Variants in MYO6 observed in about 807,000 individuals in gnomAD.
The protein encoded by MYO6 is unconventional myosin-VI.
MYO6 carries 74 observed loss-of-function variants against 178.7 expected under a neutral mutation model. That is an observed-to-expected ratio of 0.41 (90% CI 0.34 to 0.50). The LOEUF is 0.50. Ranked by LOEUF, MYO6 falls within the 20% of genes least tolerant of loss-of-function variation. The pLI is 0.09. For synonymous variants in MYO6, 477 were observed against 504.6 expected, an observed-to-expected ratio of 0.95 and a Z score of 0.73; for missense variants, 1,330 against 1,547.4, an observed-to-expected ratio of 0.86 and a Z score of 2.36.
At chr6:75,877,954 AAG>A (rs1222402931) in intron 20 of MYO6, among the ~76,000 whole-genome samples, 2 of 152,160 alleles carry the variant, frequency 1.3e-5, no homozygotes, top group African/African-American at 4.8e-5. Context: ...TACATTTCCA[AAG>A]GTACTTGTTT....
rs548902335 is a variant in MYO6, at chr6:75,916,204, T to A, written c.*1192T>A. ...GACATAATTCTAAGGAGTTTTGTTG[T>A]ATTTTAGAATAAAATTATAAAGTAA... On this transcript the variant is annotated 3_prime_UTR_variant, in exon 35 of 35. Coordinates refer to ENST00000369977, the MANE Select transcript of MYO6 (RefSeq NM_004999.4). The A allele has an allele frequency of 6.6e-6, 1 of 152,246 alleles. No individual in the cohort carries two copies. Among genetic ancestry groups the A allele is most frequent in the Non-Finnish European group, 1.5e-5 (1 of 68,034 alleles). The allele number at this position is 152,246 out of a possible 1,614,324, so 9.4% of individuals were successfully genotyped here.
At position 75,778,200 on chromosome 6, in the gene MYO6, AT is replaced by A. The variant is rs1562143252; in HGVS notation, c.-48+28781del. 2.0e-5 allele frequency among the ~76,000 whole-genome samples: 3 copies of A among 152,112 alleles called. No homozygotes were observed. In the South Asian group the frequency reaches 6.2e-4, roughly 32 times the overall value. ...TTCTATATTTTATGGTTTCTTAAGA[AT>A]TTTGCAGTAAGTCAACAGTTTTGTT... On this transcript the variant is annotated intron_variant, in intron 1 of 34. Coordinates refer to ENST00000369977, the MANE Select transcript of MYO6 (RefSeq NM_004999.4).
chr6:75,750,849 G>A (rs1398030249), intron 1 of MYO6, among the ~76,000 whole-genome samples: 2 of 152,032 alleles, frequency 1.3e-5, no homozygotes, highest in Non-Finnish European at 2.9e-5. Context: ...CAAAGTGCTA[G>A]GATTACAGGC....
At chr6:75,771,373 G>C (rs1307845304) in intron 1 of MYO6, among the ~76,000 whole-genome samples, 5 of 152,010 alleles carry the variant, frequency 3.3e-5, no homozygotes, top group Non-Finnish European at 5.9e-5. Flanking sequence ...TGTGTGTATA[G>C]CTCCCAGGAG....
intron 1 of MYO6, among the ~76,000 whole-genome samples, chr6:75,758,821 T>C (rs937386919): frequency 2.6e-5 from 4 of 152,068 alleles, no homozygotes; most frequent in Non-Finnish European, 5.9e-5. Context: ...AAATTGTTAA[T>C]TTTTAACGAT....
At chr6:75,784,936 GTAA>G (rs1767385974) in intron 1 of MYO6, among the ~76,000 whole-genome samples, 1 of 152,180 alleles carries the variant, frequency 6.6e-6, no homozygotes, top group South Asian at 2.1e-4. Context: ...GGGGGGCAGT[GTAA>G]TAATGTAAGG....
chr6:75,901,921 G>C (rs1779810157), intron 30 of MYO6, among the ~76,000 whole-genome samples: 1 of 152,226 alleles, frequency 6.6e-6, no homozygotes, highest in East Asian at 1.9e-4. Flanking sequence ...TTTATTGAGA[G>C]TTTTTAGCAT....
intron 5 of MYO6, 133 bp downstream of exon 5, chr6:75,830,678 T>G: frequency 1.2e-6 from 1 of 842,948 alleles, no homozygotes; most frequent in Non-Finnish European, 1.9e-6. Flanking sequence ...ACCTCTTGGA[T>G]ATATCAACAT....
chr6:75,832,585 A>G (rs1446399260), intron 5 of MYO6, among the ~76,000 whole-genome samples: 3 of 152,328 alleles, frequency 2.0e-5, no homozygotes, highest in African/African-American at 7.2e-5. Flanking sequence ...CATAATATCA[A>G]GACATTCTGT....
chr6:75,851,295 A>G (rs750322121), intron 11 of MYO6, among the ~76,000 whole-genome samples: 1 of 152,164 alleles, frequency 6.6e-6, no homozygotes, highest in Non-Finnish European at 1.5e-5. Flanking sequence ...ATTGAGGGTA[A>G]AGTGAACAGA....
intron 23 of MYO6, among the ~76,000 whole-genome samples, chr6:75,885,574 A>G (rs989388802): frequency 6.6e-6 from 1 of 151,478 alleles, no homozygotes; most frequent in Non-Finnish European, 1.5e-5. Context: ...TCAGCCTCCC[A>G]TAGCTGGGAT....
chr6:75,860,962 G>T (rs777609238), intron 14 of MYO6, 61 bp from the exon 15 acceptor site: 1 of 1,203,614 alleles, frequency 8.3e-7, no homozygotes, highest in Admixed American at 1.7e-5. Context: ...TTCAGAAACA[G>T]TGCAAAATTC....
chr6:75,908,513 G>C lies in MYO6; in HGVS notation c.3298G>C (p.Ala1100Pro), dbSNP rs2149418238. 6.2e-7 allele frequency: 1 copy of C among 1,613,224 alleles called. No individual in the cohort carries two copies. The highest frequency in any genetic ancestry group is 8.5e-7 in the Non-Finnish European group (1 of 1,179,604). ...ATCAATAGATATTGAGCTCCTGGCA[G>C]CTTGCAGAGAAGAATTTCATAGGAG... ...NTSCDIELLA[A>P]CREEFHRRLK... Residue 1100 changes from alanine to proline, a missense_variant, in exon 32 of 35, where the codon GCT becomes CCT. Ala to Pro is a conservative substitution (Grantham distance 27). Around this residue, in one of 3 missense-constraint regions of MYO6, gnomAD observed 601 missense variants for 626.1 expected, o/e 0.96. Coordinates refer to ENST00000369977, the MANE Select transcript of MYO6 (RefSeq NM_004999.4).
At chr6:75,858,559 T>C (rs143568668) in intron 13 of MYO6, among the ~76,000 whole-genome samples, 287 of 152,234 alleles carry the variant, frequency 1.9e-3, no homozygotes, top group Middle Eastern at 0.014. Flanking sequence ...GAGCCAAGAT[T>C]GTAGCACTGC....
At chr6:75,845,359 G>A (rs1774626663) in intron 10 of MYO6, among the ~76,000 whole-genome samples, 1 of 152,130 alleles carries the variant, frequency 6.6e-6, no homozygotes, top group South Asian at 2.1e-4. Flanking sequence ...CTGACGTGAG[G>A]TTTGATGTAG....
intron 1 of MYO6, among the ~76,000 whole-genome samples, chr6:75,810,704 C>T (rs573523332): frequency 6.6e-6 from 1 of 152,246 alleles, no homozygotes; most frequent in Non-Finnish European, 1.5e-5. Context: ...GTCGGGGAGT[C>T]TATCTAAATT....
chr6:75,896,856 G>C (rs1779347607), intron 29 of MYO6, among the ~76,000 whole-genome samples: 1 of 152,192 alleles, frequency 6.6e-6, no homozygotes, highest in Admixed American at 6.5e-5. Flanking sequence ...ATTTGAGCTT[G>C]AATTAAATAA....
chr6:75,810,056 C>T (rs1770537453), intron 1 of MYO6, among the ~76,000 whole-genome samples: 1 of 141,600 alleles, frequency 7.1e-6, no homozygotes, highest in Non-Finnish European at 1.5e-5. Flanking sequence ...TGCCCTCCAG[C>T]TTGGGCAACA....
intron 1 of MYO6, among the ~76,000 whole-genome samples, chr6:75,808,864 C>T (rs1305244714): frequency 2.6e-5 from 4 of 152,100 alleles, no homozygotes; most frequent in Non-Finnish European, 4.4e-5. Flanking sequence ...TGGGTAAACT[C>T]AAGGCAGGGG....
Sources: allele counts gnomAD v4.1 joint callset (sites outside exome capture counted in the v4.1 genomes callset), GRCh38; gene constraint gnomAD v4.1.1; regional missense constraint gnomAD v4.1.1; transcripts MANE v1.5; gene names NCBI Gene and HGNC (gene_info 2026-07-23, HGNC 2026-07-21).